The following MGA variants were observed in gnomAD, a reference collection of about 807,000 sequenced individuals.
MGA encodes MAX gene-associated protein.
A neutral mutation model predicts 261.1 loss-of-function variants in MGA; 40 were observed. The observed-to-expected ratio is 0.15, with a 90% CI of 0.12 to 0.20. The LOEUF (loss-of-function observed/expected upper bound fraction) is 0.20, where lower values mean the gene tolerates loss of function less well. Ranked by LOEUF, MGA falls within the 10% of genes least tolerant of loss-of-function variation. The pLI, the probability that MGA is intolerant of heterozygous loss-of-function variation, is 1.00. For synonymous variants in MGA, 1,302 were observed against 1,290.6 expected (o/e 1.01, Z -0.19); for missense variants, 3,397 against 3,630.5 (o/e 0.94, Z 1.65).
intron 1 of MGA, among the ~76,000 whole-genome samples, chr15:41,625,989 T>C (rs1312599861): frequency 1.3e-5 from 2 of 152,232 alleles, no homozygotes; most frequent in African/African-American, 2.4e-5. Context: ...TACATAACTT[T>C]TATTATAGTA....
Position 41,749,098 on chromosome 15 carries a change from T to A in MGA, c.5504-13T>A. 1.9e-6 allele frequency: 3 copies of A among 1,592,672 alleles called. No individual in the cohort carries two copies. Among genetic ancestry groups the A allele is most frequent in the Non-Finnish European group, 2.6e-6 (3 of 1,170,130 alleles). On this transcript the variant is annotated splice_polypyrimidine_tract_variant and intron_variant, in intron 16 of 23. Transcript: ENST00000219905. ...TCATGATTTAAAAATTTCTCTCTTA[T>A]TTTTTAAACCAGGGTCTGTGATGGG...
At chr15:41,703,216 G>GT (rs2059935389) in intron 5 of MGA, among the ~76,000 whole-genome samples, 1 of 152,094 alleles carries the variant, frequency 6.6e-6, no homozygotes, top group Admixed American at 6.6e-5. Flanking sequence ...GACCTTGACA[G>GT]TTTTGAAGAG....
chr15:41,666,138 T>C (rs2057725288), intron 1 of MGA, among the ~76,000 whole-genome samples: 1 of 151,244 alleles, frequency 6.6e-6, no homozygotes, highest in South Asian at 2.1e-4. Flanking sequence ...CAAACGTTAC[T>C]CCCACATGGG....
chr15:41,626,479 A>T (rs563828217), intron 1 of MGA, among the ~76,000 whole-genome samples: 1 of 152,088 alleles, frequency 6.6e-6, no homozygotes, highest in African/African-American at 2.4e-5. Context: ...CTAGAGTGCA[A>T]TGGTGCTATC....
At chr15:41,737,344 G>A (rs569518399) in intron 13 of MGA, among the ~76,000 whole-genome samples, 13 of 150,716 alleles carry the variant, frequency 8.6e-5, no homozygotes, top group South Asian at 4.2e-4. Context: ...TAGTAGAGAC[G>A]GGGTTTCGCC....
At position 41,669,643 on chromosome 15, in the gene MGA, A is replaced by T; in HGVS notation, c.749A>T (p.Asp250Val). 1 of 1,613,902 alleles carries T rather than the reference A, an allele frequency of 6.2e-7. No individual in the cohort carries two copies. The highest frequency in any genetic ancestry group is 8.5e-7 in the Non-Finnish European group (1 of 1,179,828). The change falls in exon 2 of 24, where the codon GAT (aspartate) becomes GTT (valine). Residue 250 changes from aspartate to valine, a missense_variant. Coordinates refer to ENST00000219905, the MANE Select transcript of MGA (RefSeq NM_001164273.2). ...ATTCAGATTACTCAGCTGAAAATAG[A>T]TTACAATCCATTTGCCAAAGGCTTT... is the stretch of plus-strand genomic sequence containing the variant.
intron 9 of MGA, among the ~76,000 whole-genome samples, chr15:41,722,727 G>A (rs1200283835): frequency 1.3e-5 from 2 of 152,190 alleles, no homozygotes; most frequent in Admixed American, 1.3e-4. Context: ...GGAGCATGGT[G>A]TGTTAGTGTG....
At chr15:41,625,399 G>T (rs1256787147) in intron 1 of MGA, among the ~76,000 whole-genome samples, 1 of 151,226 alleles carries the variant, frequency 6.6e-6, no homozygotes, top group Non-Finnish European at 1.5e-5. Context: ...AAAAAAAATT[G>T]AACAAGGCTG....
chr15:41,748,753 G>C lies in MGA; in HGVS notation c.5329G>C (p.Val1777Leu), dbSNP rs1249380117. 1 of 1,613,898 alleles carries C rather than the reference G, an allele frequency of 6.2e-7. No individual in the cohort carries two copies. Residue 1777 changes from valine (V) to leucine (L), a missense_variant, in exon 16 of 24, where the codon GTC becomes CTC. Val to Leu is a conservative substitution (Grantham distance 32). Around this residue, in one of 9 missense-constraint regions of MGA, gnomAD observed 1,410 missense variants for 1,386.4 expected, o/e 1.02. Transcript: ENST00000219905. ...GCAGGGTTCTCCTACTCTTAGACCT[G>C]TCTCAAACACACAACTTCAGGGACA...
intron 1 of MGA, among the ~76,000 whole-genome samples, chr15:41,631,864 G>A (rs1030113926): frequency 2.0e-5 from 3 of 152,060 alleles, no homozygotes; most frequent in Admixed American, 1.3e-4. Flanking sequence ...ATCACTGTTA[G>A]CGTGTTGATA....
intron 20 of MGA, among the ~76,000 whole-genome samples, chr15:41,760,880 G>C (rs1340419654): frequency 6.6e-6 from 1 of 152,320 alleles, no homozygotes; most frequent in Non-Finnish European, 1.5e-5. Flanking sequence ...GGGATTTCAG[G>C]CTTGCGCCAC....
chr15:41,739,521 A>T (rs927151867), intron 13 of MGA, among the ~76,000 whole-genome samples: 1 of 152,186 alleles, frequency 6.6e-6, no homozygotes, highest in Non-Finnish European at 1.5e-5. Flanking sequence ...TATCAGAGAG[A>T]TTCTGTGGGA....
At chr15:41,721,354 G>A (rs1397266464) in intron 9 of MGA, among the ~76,000 whole-genome samples, 2 of 152,094 alleles carry the variant, frequency 1.3e-5, no homozygotes, top group African/African-American at 2.4e-5. Context: ...TCTAATCCCA[G>A]CTACTCAGGA....
intron 19 of MGA, 126 bp from the exon 20 acceptor site, chr15:41,760,197 G>C: frequency 1.2e-6 from 1 of 812,998 alleles, no homozygotes; most frequent in African/African-American, 1.7e-5. Context: ...ATGACCAATT[G>C]AGAGGCTGTT....
intron 2 of MGA, among the ~76,000 whole-genome samples, chr15:41,677,627 A>G (rs2058455094): frequency 6.6e-6 from 1 of 152,214 alleles, no homozygotes; most frequent in Non-Finnish European, 1.5e-5. Flanking sequence ...TTTTAATAAT[A>G]GCCATCTTAA....
chr15:41,643,763 C>CTT (rs748421290), intron 1 of MGA, among the ~76,000 whole-genome samples: 2 of 138,076 alleles, frequency 1.4e-5, no homozygotes, highest in Non-Finnish European at 3.2e-5. Flanking sequence ...TTGTGTCATA[C>CTT]TTTTTTTTTT....
chr15:41,761,905 G>A, intron 21 of MGA, 55 bp downstream of exon 21: 1 of 1,304,778 alleles, frequency 7.7e-7, no homozygotes, highest in Non-Finnish European at 1.1e-6. Flanking sequence ...TTATCAAGAA[G>A]AAATCCTCAG....
At chr15:41,741,899 A>T (rs959394463) in intron 14 of MGA, among the ~76,000 whole-genome samples, 9 of 151,280 alleles carry the variant, frequency 5.9e-5, no homozygotes, top group African/African-American at 2.2e-4. Flanking sequence ...TTTAGTAGAG[A>T]CGGGGTTTCA....
At chr15:41,627,675 G>C (rs1422489206) in intron 1 of MGA, among the ~76,000 whole-genome samples, 1 of 152,132 alleles carries the variant, frequency 6.6e-6, no homozygotes, top group Non-Finnish European at 1.5e-5. Context: ...GTAATACATT[G>C]ACAAGCCTAA....
Sources: gnomAD v4.1 joint callset for allele counts (sites outside exome capture counted in the v4.1 genomes callset) on GRCh38, gnomAD v4.1.1 for gene constraint, gnomAD v4.1.1 regional missense constraint, MANE v1.5 for transcripts, NCBI Gene and HGNC (gene_info 2026-07-23, HGNC 2026-07-21) for gene names.